MID2: variants seen among roughly 807,000 people sequenced by gnomAD.
The protein encoded by MID2 is probable E3 ubiquitin-protein ligase MID2.
A neutral mutation model predicts 46.1 loss-of-function variants in MID2; 13 were observed. That is an observed-to-expected ratio of 0.28 (90% CI 0.18 to 0.45). The LOEUF (loss-of-function observed/expected upper bound fraction) is 0.45. Among genes scored for constraint, MID2 ranks in the 20% least tolerant of loss-of-function variants. The probability of loss-of-function intolerance (pLI) is 1.00; values close to 1 mark genes in which losing one functional copy is unlikely to be tolerated. For missense variants in MID2, 431 were observed against 575.4 expected (o/e 0.75, Z 2.57); for synonymous variants, 199 against 212.3 (o/e 0.94, Z 0.55).
intron 2 of MID2, among the ~76,000 whole-genome samples, chrX:107,843,080 A>G (rs1931384184): frequency 8.9e-6 from 1 of 112,275 alleles, no homozygotes. Flanking sequence ...GATTAATGAC[A>G]TCAAGGAAGG....
Position 107,886,929 on chromosome X carries a change from G to A in MID2, c.817-17029G>A, listed in dbSNP as rs1174090096. On this transcript the variant is annotated intron_variant, in intron 3 of 9. Transcript: ENST00000262843. Reference sequence around the variant, plus strand: ...TCATGATTTGACTTTCTGTTTGTCTGTTATTGGTGTATAAGAATGCTTGTG... The same window carrying A: ...TCATGATTTGACTTTCTGTTTGTCTATTATTGGTGTATAAGAATGCTTGTG... Among the ~76,000 whole-genome samples the A allele has an allele frequency of 3.6e-5, 4 of 111,895 alleles. No individual in the cohort carries two copies. The Admixed American group carries it at 3.8e-4, about 11-fold the overall frequency.
intron 8 of MID2, among the ~76,000 whole-genome samples, chrX:107,924,814 T>C (rs113382536): frequency 6.2e-5 from 7 of 112,471 alleles, no homozygotes; most frequent in Admixed American, 2.8e-4. Flanking sequence ...TAGTAAAATC[T>C]TACTACAGAG....
Position 107,926,166 on chromosome X carries a change from A to G in MID2, c.1670A>G (p.Glu557Gly), listed in dbSNP as rs1933172915. The change falls in exon 9 of 10, where the codon GAG (glutamate) becomes GGG (glycine). Residue 557 changes from glutamate (E) to glycine (G), a missense_variant. Physicochemically the swap from Glu to Gly is moderately conservative, Grantham distance 98 (BLOSUM62 -2). Transcript: ENST00000262843. ...ATCTCCAATGATGGATTGCAGATGG[A>G]GAAGGATGAAAGCTCTCTAAAGAAG... Reference protein sequence around the residue: ...LKISNDGLQMEKDESSLKKSH... With the variant: ...LKISNDGLQMGKDESSLKKSH... The G allele has an allele frequency of 8.3e-7, 1 of 1,208,558 alleles. No individual in the cohort carries two copies. The highest frequency in any genetic ancestry group is 1.8e-5 in the South Asian group (1 of 56,858).
chrX:107,831,532 T>C (rs1158261673), intron 1 of MID2, among the ~76,000 whole-genome samples: 1 of 112,120 alleles, frequency 8.9e-6, no homozygotes, highest in Admixed American at 9.4e-5. Context: ...GATCACTTTG[T>C]GTATAGCCCT....
At chrX:107,839,250 G>A (rs1225525786) in intron 1 of MID2, among the ~76,000 whole-genome samples, 1 of 111,714 alleles carries the variant, frequency 9.0e-6, no homozygotes, top group Non-Finnish European at 1.9e-5. Context: ...TTTAATTAAT[G>A]GAAGACTCTA....
chrX:107,924,485 T>C lies in MID2; in HGVS notation c.1578T>C (p.Pro526=). Residue 526 remains proline (P), a synonymous_variant, in exon 8 of 10, where the codon CCT becomes CCC. Coordinates refer to ENST00000262843, the MANE Select transcript of MID2 (RefSeq NM_012216.4). ...AAGCCGGCAGCCGGAACAGTGAACC[T>C]ACCCGACTAAAAACAAACAGTACGT... ...INQAGSRNSE[P]TRLKTNSQPF... 1 of 1,211,376 alleles carries C rather than the reference T, an allele frequency of 8.3e-7. No homozygotes were observed. Among genetic ancestry groups the C allele is most frequent in the Non-Finnish European group, 1.1e-6 (1 of 895,139 alleles).
chrX:107,841,062 T>C lies in MID2; in HGVS notation c.397T>C (p.Ser133Pro). Residue 133 changes from serine (S) to proline (P), a missense_variant, in exon 2 of 10, where the codon TCT (serine) becomes CCT (proline). Physicochemically the swap from Ser to Pro is moderately conservative, Grantham distance 74. Transcript: ENST00000262843. ...ERTYRPTTAM[S>P]SERIACQFCE... ...GACTTACAGGCCCACCACTGCCATG[T>C]CTAGCGAGCGAATTGCTTGCCAATT... The C allele has an allele frequency of 2.5e-6, 3 of 1,211,368 alleles. No individual in the cohort carries two copies. The South Asian group carries it at 5.3e-5, about 21-fold the overall frequency.
chrX:107,855,807 A>G (rs1396946938), intron 3 of MID2, among the ~76,000 whole-genome samples: 1 of 112,037 alleles, frequency 8.9e-6, no homozygotes, highest in Non-Finnish European at 1.9e-5. Flanking sequence ...AGCATACCAT[A>G]GAAATTTAAT....
chrX:107,922,361 C>T (rs1933088530), intron 7 of MID2, among the ~76,000 whole-genome samples: 1 of 112,466 alleles, frequency 8.9e-6, no homozygotes, highest in African/African-American at 3.2e-5. Context: ...CCCACCCCCA[C>T]TACATTGATG....
At chrX:107,923,820 A>G (rs1279173916) in intron 7 of MID2, among the ~76,000 whole-genome samples, 1 of 112,021 alleles carries the variant, frequency 8.9e-6, no homozygotes, top group Non-Finnish European at 1.9e-5. Flanking sequence ...TCTCAGCACC[A>G]TCACTGACTA....
In MID2 at chrX:107,926,909, A is replaced by G; in HGVS notation, c.2044A>G (p.Thr682Ala). 1 of 1,211,353 alleles carries G rather than the reference A, an allele frequency of 8.3e-7. No individual in the cohort carries two copies. The highest frequency in any genetic ancestry group is 1.1e-6 in the Non-Finnish European group (1 of 895,136). Residue 682 changes from threonine to alanine, a missense_variant, in exon 10 of 10, where the codon ACC becomes GCC. By Grantham distance (58) the Thr-to-Ala change is moderately conservative (BLOSUM62 0). Coordinates refer to ENST00000262843, the MANE Select transcript of MID2 (RefSeq NM_012216.4). ...TCTCCATCTTCATACTTTTGATGTGACCTTCATTCTTCCAGTTTGTCCAAC... is the reference window on the plus strand; with the variant it reads ...TCTCCATCTTCATACTTTTGATGTGGCCTTCATTCTTCCAGTTTGTCCAAC... ...NSLHLHTFDV[T>A]FILPVCPTFT...
At chrX:107,837,140 A>G (rs1185232954) in intron 1 of MID2, among the ~76,000 whole-genome samples, 3 of 112,169 alleles carry the variant, frequency 2.7e-5, no homozygotes, top group African/African-American at 9.7e-5. Context: ...TCCCAAGCTT[A>G]ATTTCATAAT....
At chrX:107,852,115 C>T (rs946340267) in intron 2 of MID2, among the ~76,000 whole-genome samples, 4 of 111,540 alleles carry the variant, frequency 3.6e-5, no homozygotes, top group African/African-American at 1.3e-4. Flanking sequence ...TGGTCTTGAA[C>T]TCCTGACCTC....
chrX:107,895,593 T>G (rs1416930472), intron 3 of MID2: 1 of 112,454 alleles, frequency 8.9e-6, no homozygotes, highest in African/African-American at 3.2e-5. Flanking sequence ...GCATTTCAGT[T>G]GTTTCCAGTT....
Position 107,895,096 on chromosome X carries a change from A to G in MID2, c.817-8862A>G, listed in dbSNP as rs1932699196. Reference sequence around the variant, plus strand: ...TTAACTAACCTTCTCTAATGTTAACATCTTACATAACCACACAACTATCAG... The same window carrying G: ...TTAACTAACCTTCTCTAATGTTAACGTCTTACATAACCACACAACTATCAG... On this transcript the variant is annotated intron_variant, in intron 3 of 9. Transcript: ENST00000262843. 3.6e-5 allele frequency: 4 copies of G among 110,768 alleles called. No homozygotes were observed. The Admixed American group carries it at 3.9e-4, about 11-fold the overall frequency. The allele number at this position is 110,768 out of a possible 1,213,427, so 9.1% of individuals were successfully genotyped here. A position where few individuals can be genotyped will look rare whatever the true frequency, so the allele number is the denominator to read the frequency against.
chrX:107,866,490 A>G (rs1278504149), intron 3 of MID2, among the ~76,000 whole-genome samples: 1 of 107,032 alleles, frequency 9.3e-6, no homozygotes, highest in Non-Finnish European at 1.9e-5. Flanking sequence ...ACTGACCTAC[A>G]GTGAGTACTG....
chrX:107,845,928 G>T (rs1334166666), intron 2 of MID2, among the ~76,000 whole-genome samples: 2 of 112,176 alleles, frequency 1.8e-5, no homozygotes, highest in Admixed American at 1.9e-4. Flanking sequence ...ACTAGGTTGA[G>T]AGTATATTTG....
rs1327017877 is a variant in MID2 at position 107,826,407 on chromosome X, G to T, written c.-20G>T. 6.2e-6 allele frequency: 7 copies of T among 1,136,842 alleles called. No individual in the cohort carries two copies. The highest frequency in any genetic ancestry group is 1.9e-5 in the African/African-American group (1 of 52,895). The allele number at this position is 1,136,842 out of a possible 1,213,427, so 93.7% of individuals were successfully genotyped here. A position where few individuals can be genotyped will look rare whatever the true frequency, so the allele number is the denominator to read the frequency against. On this transcript the variant is annotated 5_prime_UTR_variant, in exon 1 of 10. An upstream start codon of the reference 5' UTR is lost. Coordinates refer to ENST00000262843, the MANE Select transcript of MID2 (RefSeq NM_012216.4). ...GCGCCCTCGAGCGAGCGGAGGAGAT[G>T]GCTGGCACCTGGGAACGCTATGGGT...
chrX:107,837,538 T>TA lies in MID2; in HGVS notation c.5-3120dup, dbSNP rs35451756. On this transcript the variant is annotated intron_variant, in intron 1 of 9. Transcript: ENST00000262843. Reference sequence around the variant, plus strand: ...AAAATAGACGTAGAAACATGCTGTTTAAAAAAAAAAAACTCTATAAACTAT... The same window carrying TA: ...AAAATAGACGTAGAAACATGCTGTTTAAAAAAAAAAAAACTCTATAAACTAT... Among the ~76,000 whole-genome samples the TA allele has an allele frequency of 8.8e-3, 762 of 86,906 alleles. 6 individuals carry two copies. Among genetic ancestry groups the TA allele is most frequent in the African/African-American group, 0.023 (574 of 24,887 alleles). 75.5% of individuals were successfully genotyped at this position (86,906 alleles called of 115,157 possible).
Sources: allele counts gnomAD v4.1 joint callset (sites outside exome capture counted in the v4.1 genomes callset), GRCh38; gene constraint gnomAD v4.1.1; transcripts MANE v1.5; gene names NCBI Gene and HGNC (gene_info 2026-07-23, HGNC 2026-07-21).